Variants in ZZEF1 observed in about 807,000 individuals in gnomAD.
ZZEF1 encodes zinc finger ZZ-type and EF-hand domain containing 1.
Under a neutral mutation model 342.8 loss-of-function variants are expected in ZZEF1, and 157 were observed. The ratio of observed to expected loss-of-function variants is 0.46; its 90% CI spans 0.40 to 0.52. The LOEUF (loss-of-function observed/expected upper bound fraction) is 0.52. Among genes scored for constraint, ZZEF1 ranks in the 20% least tolerant of loss-of-function variants. The pLI is 0.00. For synonymous variants in ZZEF1, 1,505 were observed against 1,429.1 expected, an observed-to-expected ratio of 1.05 and a Z score of -1.20; for missense variants, 3,480 against 3,725.6, an observed-to-expected ratio of 0.93 and a Z score of 1.72.
chr17:4,116,947 C>T, intron 3 of ZZEF1, 25 bp downstream of exon 3: 1 of 1,539,676 alleles, frequency 6.5e-7, no homozygotes. Flanking sequence ...AGAGTATTTT[C>T]AGGAGAACCC....
chr17:4,061,822 T>A (rs367928192), intron 30 of ZZEF1, among the ~76,000 whole-genome samples: 74 of 152,258 alleles, frequency 4.9e-4, no homozygotes, highest in Middle Eastern at 3.4e-3. Flanking sequence ...CCAGTATTAT[T>A]CTCTGGATCA....
At chr17:4,032,340 T>G in intron 41 of ZZEF1, 82 bp from the exon 42 acceptor site, 2 of 1,455,450 alleles carry the variant, frequency 1.4e-6, no homozygotes. Flanking sequence ...CCAGCCCCCT[T>G]TGATTGTGCC....
Position 4,016,555 on chromosome 17 carries a change from G to A in ZZEF1, c.8002-89C>T, listed in dbSNP as rs1329198329. On this transcript the variant is annotated intron_variant, in intron 48 of 54. Transcript: ENST00000381638. This position sits in a 1 kb window ranked among gnomAD's most constrained non-coding sequence, Gnocchi z 4.4. ...ACTTCAACCCAAGCTCCACCCAAAG[G>A]TGCTGGCATCATCTTAGACCTAGGA... 6.7e-7 allele frequency: 1 copy of A among 1,481,670 alleles called. No homozygotes were observed. The allele number at this position is 1,481,670 out of a possible 1,614,324, so 91.8% of individuals were successfully genotyped here. A position where few individuals can be genotyped will look rare whatever the true frequency, so the allele number is the denominator to read the frequency against.
At chr17:4,077,662 C>T (rs1357353207) in intron 19 of ZZEF1, among the ~76,000 whole-genome samples, 1 of 152,148 alleles carries the variant, frequency 6.6e-6, no homozygotes, top group Non-Finnish European at 1.5e-5. Context: ...TCTAATTCTA[C>T]AATAAAAATA....
chr17:4,137,333 A>T (rs554852817), intron 1 of ZZEF1, among the ~76,000 whole-genome samples: 4 of 152,228 alleles, frequency 2.6e-5, no homozygotes, highest in South Asian at 4.1e-4. Flanking sequence ...CCACTCGGCC[A>T]GGTGCGATGG....
chr17:4,044,484 G>A, intron 37 of ZZEF1, 110 bp from the exon 38 acceptor site: 1 of 954,820 alleles, frequency 1.0e-6, no homozygotes, highest in South Asian at 1.7e-5. Context: ...AAAAACTTTT[G>A]AATGCCATTA....
chr17:4,009,781 G>A (rs746880192), intron 52 of ZZEF1, 24 bp from the exon 53 acceptor site: 14 of 1,610,762 alleles, frequency 8.7e-6, no homozygotes, highest in Non-Finnish European at 6.8e-6. Context: ...CCCGGAGGTG[G>A]TCAGTTTACT....
rs1292888800 is a variant in ZZEF1, at chr17:4,085,684, G to C, written c.2632C>G (p.Leu878Val). The C allele has an allele frequency of 6.2e-7, 1 of 1,614,150 alleles. No individual in the cohort carries two copies. The highest frequency in any genetic ancestry group is 2.2e-5 in the East Asian group (1 of 44,886). The stretch of plus-strand genomic sequence containing the variant: ...GTAATAATTACCATCATGGTGAAGA[G>C]ATGGTTCCGTCGGGTCTGTCGATTA... ...FPNRQTRRNH[L>V]FTMMNVTEQE... Residue 878 changes from leucine (L) to valine (V), a missense_variant, in exon 16 of 55, where the codon CTC becomes GTC. Around this residue, in one of 5 missense-constraint regions of ZZEF1, gnomAD observed 1,528 missense variants for 1,624.1 expected, o/e 0.94. Coordinates refer to ENST00000381638, the MANE Select transcript of ZZEF1 (RefSeq NM_015113.4).
At chr17:4,141,705 A>G (rs1038213264) in intron 1 of ZZEF1, among the ~76,000 whole-genome samples, 2 of 93,064 alleles carry the variant, frequency 2.1e-5, no homozygotes, top group African/African-American at 6.7e-5. Flanking sequence ...AATTTAAAAT[A>G]AAAGTTGAAA....
intron 40 of ZZEF1, 199 bp downstream of exon 40, chr17:4,033,816 G>A: frequency 9.1e-6 from 6 of 660,202 alleles, no homozygotes; most frequent in Middle Eastern, 8.4e-4. Flanking sequence ...CTGCTCAGCT[G>A]TTTTAACGTT....
intron 1 of ZZEF1, among the ~76,000 whole-genome samples, chr17:4,127,346 G>C (rs1447713629): frequency 6.6e-6 from 1 of 152,110 alleles, no homozygotes; most frequent in Non-Finnish European, 1.5e-5. Context: ...TTTGCTTTGA[G>C]GAGAAAAGGG....
intron 8 of ZZEF1, among the ~76,000 whole-genome samples, chr17:4,102,820 C>G (rs1201956845): frequency 6.6e-6 from 1 of 152,120 alleles, no homozygotes; most frequent in Non-Finnish European, 1.5e-5. Context: ...TTTAAATCAT[C>G]TCTGCAGGCA....
At chr17:4,032,090 C>T (rs1273525085) in intron 42 of ZZEF1, 36 bp downstream of exon 42, 2 of 1,597,796 alleles carry the variant, frequency 1.3e-6, no homozygotes, top group Admixed American at 1.8e-5. Context: ...AGGCATTTTT[C>T]TTCCATTCTT....
chr17:4,032,856 G>A lies in ZZEF1; in HGVS notation c.6731C>T (p.Thr2244Ile). ...GGGGAAGCCAACCAGCACGAGCAGGGTGAAGATGTTGGTGTGCTTCAGCTG... is the reference window on the plus strand; with the variant it reads ...GGGGAAGCCAACCAGCACGAGCAGGATGAAGATGTTGGTGTGCTTCAGCTG... ...PFQLKHTNIFTLLVLVGFPQV... is the reference protein window; with the variant it reads ...PFQLKHTNIFILLVLVGFPQV... Residue 2244 changes from threonine (T) to isoleucine (I), a missense_variant, in exon 41 of 55, where the codon ACC (threonine) becomes ATC (isoleucine). Transcript: ENST00000381638. 1.9e-6 allele frequency: 3 copies of A among 1,614,240 alleles called. No individual in the cohort carries two copies. The highest frequency in any genetic ancestry group is 1.6e-4 in the Middle Eastern group (1 of 6,062).
At chr17:4,038,905 G>C (rs2056736274) in intron 39 of ZZEF1, among the ~76,000 whole-genome samples, 1 of 152,118 alleles carries the variant, frequency 6.6e-6, no homozygotes, top group Admixed American at 6.5e-5. Context: ...TTCAAAACAA[G>C]CAAAACTAAC....
chr17:4,142,512 C>A, intron 1 of ZZEF1, 30 bp downstream of exon 1: 3 of 1,586,952 alleles, frequency 1.9e-6, no homozygotes, highest in Non-Finnish European at 2.6e-6. Context: ...CCGCCCTGCC[C>A]CATCCCCGCA....
chr17:4,126,971 A>T (rs1363949307), intron 1 of ZZEF1, among the ~76,000 whole-genome samples: 1 of 152,146 alleles, frequency 6.6e-6, no homozygotes. Context: ...TGTCTCAACA[A>T]CAAACACAAA....
chr17:4,025,021 G>A lies in ZZEF1; in HGVS notation c.6990C>T (p.Ala2330=). 6.2e-7 allele frequency: 1 copy of A among 1,614,192 alleles called. No homozygotes were observed. The highest frequency in any genetic ancestry group is 8.5e-7 in the Non-Finnish European group (1 of 1,180,030). Residue 2330 remains alanine, a synonymous_variant, in exon 43 of 55, where the codon GCC becomes GCT. Coordinates refer to ENST00000381638, the MANE Select transcript of ZZEF1 (RefSeq NM_015113.4). The part of the protein sequence containing the change: ...SQYSQHFAFI[A]SHLLQSSMDS... ...CCATGCTGCTTTGCAGAAGGTGACT[G>A]GCGATAAAGGCAAAGTGCTGGGAGT...
rs763963964 is a variant in ZZEF1, at chr17:4,114,311, G to A, written c.854C>T (p.Ser285Leu). Reference protein sequence around the residue: ...SYWQSDGSACSHWIRLKMKPD... With the variant: ...SYWQSDGSACLHWIRLKMKPD... ...ATATACCACCCACCGAATCCAGTGTGAACAGGCACTGCCATCTGACTGCCA... is the reference window on the plus strand; with the variant it reads ...ATATACCACCCACCGAATCCAGTGTAAACAGGCACTGCCATCTGACTGCCA... Residue 285 changes from serine (S) to leucine (L), a missense_variant, in exon 4 of 55, where the codon TCA becomes TTA. This residue lies in a region of ZZEF1 where 92 missense variants were observed against 130.3 expected (regional missense o/e 0.71). Transcript: ENST00000381638. 7 of 1,600,504 alleles carry A rather than the reference G, an allele frequency of 4.4e-6. No individual in the cohort carries two copies. Among genetic ancestry groups the A allele is most frequent in the African/African-American group, 1.3e-5 (1 of 74,222 alleles).
Sources: gnomAD v4.1 joint callset for allele counts (sites outside exome capture counted in the v4.1 genomes callset) on GRCh38, gnomAD v4.1.1 for gene constraint, gnomAD v4.1.1 regional missense constraint, Gnocchi (gnomAD v3.1) non-coding constraint, MANE v1.5 for transcripts, NCBI Gene and HGNC (gene_info 2026-07-23, HGNC 2026-07-21) for gene names.